The following TRAPPC9 variants were observed in gnomAD, a reference collection of about 807,000 sequenced individuals.
TRAPPC9 encodes trafficking protein particle complex subunit 9.
A neutral mutation model predicts 124.0 loss-of-function variants in TRAPPC9; 83 were observed. The ratio of observed to expected loss-of-function variants is 0.67; its 90% CI spans 0.56 to 0.80. The LOEUF is 0.80. Ranked by LOEUF, TRAPPC9 falls within the 30% of genes least tolerant of loss-of-function variation. The pLI is 0.00. For synonymous variants in TRAPPC9, 638 were observed against 617.5 expected, an observed-to-expected ratio of 1.03 and a Z score of -0.49; for missense variants, 1,302 against 1,508.3, an observed-to-expected ratio of 0.86 and a Z score of 2.27.
intron 17 of TRAPPC9, among the ~76,000 whole-genome samples, chr8:140,034,841 G>A (rs1840772777): frequency 6.6e-6 from 1 of 152,244 alleles, no homozygotes; most frequent in African/African-American, 2.4e-5. Context: ...CGAAGGTCCT[G>A]CTCTTCCGGC....
intron 18 of TRAPPC9, among the ~76,000 whole-genome samples, chr8:140,021,138 T>C (rs541836065): frequency 6.6e-6 from 1 of 152,332 alleles, no homozygotes; most frequent in East Asian, 1.9e-4. Context: ...GTCCTACACA[T>C]TGCCATCTGT....
intron 21 of TRAPPC9, among the ~76,000 whole-genome samples, chr8:139,799,633 G>A (rs1450365668): frequency 6.6e-6 from 1 of 152,136 alleles, no homozygotes; most frequent in Non-Finnish European, 1.5e-5. Context: ...CACCCCCCAT[G>A]AAAATTCCGT....
At chr8:140,028,543 C>T (rs928540565) in intron 17 of TRAPPC9, among the ~76,000 whole-genome samples, 9 of 152,214 alleles carry the variant, frequency 5.9e-5, no homozygotes, top group African/African-American at 2.2e-4. Flanking sequence ...CAGGCAGGAA[C>T]TGAATGCAGA....
rs1056204506 is a variant in TRAPPC9 at position 140,300,686 on chromosome 8, C to G, written c.1623-72G>C. On this transcript the variant is annotated intron_variant, in intron 10 of 22. Transcript: ENST00000438773. ...TGGTTTCAGGATAAACATAACCAAA[C>G]ATGATGTATCAGAAAAACAGTAAAT... 12 of 1,578,938 alleles carry G rather than the reference C, an allele frequency of 7.6e-6. No individual in the cohort carries two copies. In the Admixed American group the frequency reaches 1.3e-4, roughly 18 times the overall value.
At chr8:140,400,325 A>T (rs1316964972) in intron 6 of TRAPPC9, among the ~76,000 whole-genome samples, 1 of 152,256 alleles carries the variant, frequency 6.6e-6, no homozygotes, top group African/African-American at 2.4e-5. Context: ...GTATGCATTC[A>T]TTAAAATAAT....
At chr8:140,012,090 G>A (rs1377275064) in intron 18 of TRAPPC9, among the ~76,000 whole-genome samples, 3 of 152,168 alleles carry the variant, frequency 2.0e-5, no homozygotes, top group Non-Finnish European at 2.9e-5. Flanking sequence ...GACTGCAGGC[G>A]TGAGCCACCG....
intron 17 of TRAPPC9, among the ~76,000 whole-genome samples, chr8:140,160,153 C>T (rs1479952238): frequency 1.3e-5 from 2 of 152,276 alleles, no homozygotes; most frequent in East Asian, 3.9e-4. Context: ...ACAACAGATG[C>T]TGGAGAGGAT....
chr8:140,169,481 C>A (rs2061919771), intron 17 of TRAPPC9, among the ~76,000 whole-genome samples: 1 of 152,100 alleles, frequency 6.6e-6, no homozygotes, highest in Admixed American at 6.5e-5. Context: ...CATGCACACA[C>A]ATGTTCACAG....
chr8:140,246,391 G>T (rs1380743640), intron 16 of TRAPPC9, among the ~76,000 whole-genome samples: 1 of 152,192 alleles, frequency 6.6e-6, no homozygotes, highest in Non-Finnish European at 1.5e-5. Context: ...TGCTGGACTG[G>T]TCCGTTTCTA....
intron 17 of TRAPPC9, among the ~76,000 whole-genome samples, chr8:140,102,488 C>A (rs2060597269): frequency 6.6e-6 from 1 of 151,744 alleles, no homozygotes; most frequent in African/African-American, 2.4e-5. Context: ...CACACACACA[C>A]ACACACGCAT....
intron 16 of TRAPPC9, among the ~76,000 whole-genome samples, chr8:140,223,503 G>T (rs569743934): frequency 6.6e-6 from 1 of 152,084 alleles, no homozygotes; most frequent in African/African-American, 2.4e-5. Flanking sequence ...GATCCTTTTC[G>T]CTTTAACACA....
chr8:139,775,571 G>C lies in TRAPPC9; in HGVS notation c.3056-43369C>G, dbSNP rs1028565127. On this transcript the variant is annotated intron_variant, in intron 21 of 22. Coordinates refer to ENST00000438773, the MANE Select transcript of TRAPPC9 (RefSeq NM_001160372.4). ...CAGGGGAAGGGTGTGGGCTAACTGGGGGCACGGCGGCAGCCCAGGGCTGAG... is the reference window on the plus strand; with the variant it reads ...CAGGGGAAGGGTGTGGGCTAACTGGCGGCACGGCGGCAGCCCAGGGCTGAG... Among the ~76,000 whole-genome samples, 3 of 152,324 alleles carry C rather than the reference G, an allele frequency of 2.0e-5. 1 individual carries two copies. In the South Asian group the frequency reaches 6.2e-4, roughly 32 times the overall value.
At chr8:139,969,508 C>A (rs776263121) in intron 19 of TRAPPC9, among the ~76,000 whole-genome samples, 1 of 152,228 alleles carries the variant, frequency 6.6e-6, no homozygotes, top group Non-Finnish European at 1.5e-5. Flanking sequence ...ATCCTAGCAG[C>A]GCCACCTGGG....
chr8:140,245,645 G>A (rs1313345814), intron 16 of TRAPPC9, among the ~76,000 whole-genome samples: 1 of 152,130 alleles, frequency 6.6e-6, no homozygotes, highest in Non-Finnish European at 1.5e-5. Flanking sequence ...TTTACTTGTT[G>A]AGAGAACCAA....
intron 17 of TRAPPC9, among the ~76,000 whole-genome samples, chr8:140,181,064 C>A (rs529509204): frequency 6.6e-6 from 1 of 152,286 alleles, no homozygotes; most frequent in South Asian, 2.1e-4. Context: ...ATTCCTGGAT[C>A]TCCAACTAGA....
At position 140,104,303 on chromosome 8, in the gene TRAPPC9, G is replaced by C. The variant is rs2060628089; in HGVS notation, c.2557-80224C>G. ...CCAGGAGGGCTCCCCGCTCTGCAAT[G>C]GGTCTTGAAGAACGAGGCATTTTCT... is the stretch of plus-strand genomic sequence containing the variant. On this transcript the variant is annotated intron_variant, in intron 17 of 22. Transcript: ENST00000438773. This position sits in a 1 kb window ranked among gnomAD's most constrained non-coding sequence, Gnocchi z 4.0. Among the ~76,000 whole-genome samples the C allele has an allele frequency of 6.6e-6, 1 of 152,154 alleles. No homozygotes were observed. Among genetic ancestry groups the C allele is most frequent in the South Asian group, 2.1e-4 (1 of 4,814 alleles).
intron 21 of TRAPPC9, among the ~76,000 whole-genome samples, chr8:139,882,927 CA>C (rs559916803): frequency 1.9e-3 from 285 of 152,290 alleles, no homozygotes; most frequent in Non-Finnish European, 3.6e-3. Flanking sequence ...ACTACATTTC[CA>C]AAAGAAATCC....
intron 21 of TRAPPC9, among the ~76,000 whole-genome samples, chr8:139,831,868 C>T (rs1826018207): frequency 6.6e-6 from 1 of 152,248 alleles, no homozygotes; most frequent in Non-Finnish European, 1.5e-5. Context: ...CAGGCCTCTG[C>T]CTCCGTGCTC....
At chr8:139,751,842 A>G (rs1819329624) in intron 21 of TRAPPC9, among the ~76,000 whole-genome samples, 1 of 150,910 alleles carries the variant, frequency 6.6e-6, no homozygotes, top group African/African-American at 2.4e-5. Flanking sequence ...TCATCCACCT[A>G]TCTATCCACT....
Sources: gnomAD v4.1 joint callset for allele counts (sites outside exome capture counted in the v4.1 genomes callset) on GRCh38, gnomAD v4.1.1 for gene constraint, Gnocchi (gnomAD v3.1) non-coding constraint, MANE v1.5 for transcripts, NCBI Gene and HGNC (gene_info 2026-07-23, HGNC 2026-07-21) for gene names.